The following AUTS2 variants were observed in gnomAD, a reference collection of about 807,000 sequenced individuals.
AUTS2 encodes the protein autism susceptibility gene 2 protein.
A neutral mutation model predicts 112.4 loss-of-function variants in AUTS2; 17 were observed. The ratio of observed to expected loss-of-function variants is 0.15; its 90% CI spans 0.10 to 0.23. The LOEUF (loss-of-function observed/expected upper bound fraction) is 0.23. Among genes scored for constraint, AUTS2 ranks in the 10% least tolerant of loss-of-function variants. The probability of loss-of-function intolerance (pLI) is 1.00; values close to 1 mark genes in which losing one functional copy is unlikely to be tolerated. For synonymous variants in AUTS2, 751 were observed against 702.7 expected, an observed-to-expected ratio of 1.07 and a Z score of -1.09; for missense variants, 1,510 against 1,701.6, an observed-to-expected ratio of 0.89 and a Z score of 1.98.
chr7:70,379,607 A>G (rs987830883), intron 4 of AUTS2, among the ~76,000 whole-genome samples: 9 of 152,218 alleles, frequency 5.9e-5, no homozygotes, highest in Non-Finnish European at 1.3e-4. Context: ...GGAAGGACAC[A>G]TTTCAGTGCA....
chr7:69,948,717 T>C (rs1796910399), intron 2 of AUTS2, among the ~76,000 whole-genome samples: 1 of 152,166 alleles, frequency 6.6e-6, no homozygotes, highest in Non-Finnish European at 1.5e-5. Context: ...CTGCTTTATA[T>C]CACTGTGGTA....
intron 1 of AUTS2, among the ~76,000 whole-genome samples, chr7:69,806,244 C>T (rs1383967536): frequency 7.5e-6 from 1 of 133,830 alleles, no homozygotes; most frequent in Non-Finnish European, 1.5e-5. Context: ...AGCGTCACAA[C>T]CACAGAAGAA....
intron 5 of AUTS2, among the ~76,000 whole-genome samples, chr7:70,469,798 G>A (rs1025509426): frequency 1.1e-4 from 16 of 152,072 alleles, no homozygotes; most frequent in African/African-American, 3.6e-4. Context: ...CCGCCACCAC[G>A]CCCGGCTAAT....
At chr7:69,953,828 C>G (rs767808061) in intron 2 of AUTS2, among the ~76,000 whole-genome samples, 16 of 152,180 alleles carry the variant, frequency 1.1e-4, no homozygotes, top group Non-Finnish European at 1.9e-4. Flanking sequence ...ACCCCCCCAA[C>G]TACTTTCAGC....
intron 1 of AUTS2, among the ~76,000 whole-genome samples, chr7:69,876,484 GTATATA>G (rs58131271): frequency 0.014 from 744 of 54,264 alleles, 79 homozygotes; most frequent in Middle Eastern, 0.017. Context: ...AATATTTTGT[GTATATA>G]TATATATATA....
chr7:69,704,599 G>A (rs1797975386), intron 1 of AUTS2, among the ~76,000 whole-genome samples: 1 of 152,034 alleles, frequency 6.6e-6, no homozygotes, highest in South Asian at 2.1e-4. Flanking sequence ...TAATTTTCAG[G>A]CTTACTTTTT....
chr7:70,296,891 G>A (rs1400581634), intron 4 of AUTS2, among the ~76,000 whole-genome samples: 1 of 149,426 alleles, frequency 6.7e-6, no homozygotes, highest in African/African-American at 2.5e-5. Flanking sequence ...ACCCAGGCTG[G>A]AGTTCAGTGG....
intron 3 of AUTS2, among the ~76,000 whole-genome samples, chr7:70,126,584 A>G (rs958647359): frequency 1.3e-5 from 2 of 152,216 alleles, no homozygotes; most frequent in Non-Finnish European, 2.9e-5. Context: ...AATTGAATAT[A>G]TAGTTAATAA....
Position 69,611,658 on chromosome 7 carries a change from C to T in AUTS2, c.309+11696C>T, listed in dbSNP as rs1052640680. Among the ~76,000 whole-genome samples the T allele has an allele frequency of 6.6e-5, 10 of 152,220 alleles. 1 individual carries two copies. The Middle Eastern group carries it at 0.01, about 155-fold the overall frequency. ...TTTTTTAAAAATTGTAGGCCGGGCG[C>T]GGTGGCTCACGCCTGTAATCCCAGC... On this transcript the variant is annotated intron_variant, in intron 1 of 18. Transcript: ENST00000342771.
chr7:70,439,180 C>G (rs1796019016), intron 5 of AUTS2, among the ~76,000 whole-genome samples: 2 of 152,200 alleles, frequency 1.3e-5, no homozygotes, highest in African/African-American at 4.8e-5. Context: ...TCTCCCTTAT[C>G]CTCCCCTCCC....
chr7:70,432,228 G>A (rs1034321957), intron 4 of AUTS2, among the ~76,000 whole-genome samples: 1 of 152,176 alleles, frequency 6.6e-6, no homozygotes, highest in Non-Finnish European at 1.5e-5. Context: ...CTGGGACGCC[G>A]TCTCTGCATC....
chr7:69,691,384 G>T (rs745713823), intron 1 of AUTS2, among the ~76,000 whole-genome samples: 4 of 151,988 alleles, frequency 2.6e-5, no homozygotes, highest in Non-Finnish European at 4.4e-5. Flanking sequence ...GCAGAGAGGG[G>T]TGTCTGCAGA....
At chr7:69,633,955 A>G (rs1302035000) in intron 1 of AUTS2, among the ~76,000 whole-genome samples, 5 of 151,922 alleles carry the variant, frequency 3.3e-5, no homozygotes, top group African/African-American at 7.3e-5. Context: ...CTGCAGCCCC[A>G]TATGTTTAGT....
chr7:70,308,950 G>A (rs952334420), intron 4 of AUTS2, among the ~76,000 whole-genome samples: 3 of 152,124 alleles, frequency 2.0e-5, no homozygotes, highest in African/African-American at 4.8e-5. Context: ...GAGCAGTCCC[G>A]TTAAAAAGGC....
intron 2 of AUTS2, among the ~76,000 whole-genome samples, chr7:70,035,228 T>C (rs1326405036): frequency 6.6e-6 from 1 of 152,236 alleles, no homozygotes; most frequent in Non-Finnish European, 1.5e-5. Context: ...GCTTGACTTT[T>C]AAATCCCCTT....
At chr7:70,602,908 C>T (rs1803548566) in intron 5 of AUTS2, among the ~76,000 whole-genome samples, 1 of 152,146 alleles carries the variant, frequency 6.6e-6, no homozygotes, top group Admixed American at 6.5e-5. Context: ...GGTTGATGTC[C>T]TTTGAGTCCT....
intron 4 of AUTS2, among the ~76,000 whole-genome samples, chr7:70,265,036 A>G (rs1355775448): frequency 6.6e-6 from 1 of 152,202 alleles, no homozygotes; most frequent in African/African-American, 2.4e-5. Flanking sequence ...AGTTTATTTT[A>G]TATTCCTCAA....
intron 4 of AUTS2, among the ~76,000 whole-genome samples, chr7:70,211,992 A>G (rs1210677091): frequency 7.9e-5 from 12 of 152,228 alleles, no homozygotes; most frequent in Admixed American, 7.8e-4. Flanking sequence ...TCTCAAAGAG[A>G]GAGAGAGACA....
At chr7:69,725,537 T>C (rs1390436806) in intron 1 of AUTS2, among the ~76,000 whole-genome samples, 2 of 152,116 alleles carry the variant, frequency 1.3e-5, no homozygotes, top group Non-Finnish European at 2.9e-5. Context: ...GGGTTGACAT[T>C]CCAGACAGAA....
Sources: gnomAD v4.1 joint callset for allele counts (sites outside exome capture counted in the v4.1 genomes callset) on GRCh38, gnomAD v4.1.1 for gene constraint, MANE v1.5 for transcripts, NCBI Gene and HGNC (gene_info 2026-07-23, HGNC 2026-07-21) for gene names.